SHROOM2: variants seen among roughly 807,000 people sequenced by gnomAD.
SHROOM2 encodes the protein protein Shroom2.
A neutral mutation model predicts 75.9 loss-of-function variants in SHROOM2; 33 were observed. The ratio of observed to expected loss-of-function variants is 0.43; its 90% CI spans 0.33 to 0.58. The LOEUF is 0.58. Among genes scored for constraint, SHROOM2 ranks in the 20% least tolerant of loss-of-function variants. The pLI, the probability that SHROOM2 is intolerant of heterozygous loss-of-function variation, is 0.04. For synonymous variants in SHROOM2, 655 were observed against 663.6 expected (o/e 0.99, Z 0.20); for missense variants, 1,434 against 1,461.2 (o/e 0.98, Z 0.30).
chrX:9,912,430 G>A (rs2084438228), intron 5 of SHROOM2: 2 of 111,918 alleles, frequency 1.8e-5, no homozygotes, highest in South Asian at 7.5e-4. Context: ...GCGTGAGCTT[G>A]CCCATCAACA....
At chrX:9,926,763 T>G (rs758231287) in intron 5 of SHROOM2, among the ~76,000 whole-genome samples, 1 of 111,182 alleles carries the variant, frequency 9.0e-6, no homozygotes, top group Admixed American at 9.6e-5. Flanking sequence ...GCATATTGTA[T>G]AAAATTACCT....
At chrX:9,903,445 G>C (rs1459735564) in intron 5 of SHROOM2, among the ~76,000 whole-genome samples, 1 of 112,658 alleles carries the variant, frequency 8.9e-6, no homozygotes, top group African/African-American at 3.2e-5. Flanking sequence ...CTTGTGCAGG[G>C]AGTACTTGCG....
At chrX:9,871,480 T>TCGC (rs1246285714) in intron 1 of SHROOM2, among the ~76,000 whole-genome samples, 1 of 111,836 alleles carries the variant, frequency 8.9e-6, no homozygotes, top group Non-Finnish European at 1.9e-5. Flanking sequence ...CCCCCAGGTA[T>TCGC]CGCCTGCCTT....
intron 1 of SHROOM2, among the ~76,000 whole-genome samples, chrX:9,817,835 G>A (rs568906343): frequency 8.9e-6 from 1 of 111,892 alleles, no homozygotes; most frequent in Admixed American, 9.5e-5. Flanking sequence ...ACAATATCTA[G>A]CAGCCTCCAA....
At chrX:9,878,545 C>T (rs1050747139) in intron 2 of SHROOM2, among the ~76,000 whole-genome samples, 3 of 112,107 alleles carry the variant, frequency 2.7e-5, no homozygotes, top group Admixed American at 1.9e-4. Flanking sequence ...TGCTAAGGTG[C>T]CCTGACTGCT....
intron 8 of SHROOM2, among the ~76,000 whole-genome samples, chrX:9,941,837 G>A (rs979473427): frequency 9.2e-6 from 1 of 108,580 alleles, no homozygotes. Flanking sequence ...CAGGCGTGGT[G>A]GCGGGCGCCT....
intron 6 of SHROOM2, among the ~76,000 whole-genome samples, chrX:9,934,310 G>T (rs183050433): frequency 2.7e-5 from 3 of 111,482 alleles, no homozygotes; most frequent in Non-Finnish European, 5.7e-5. Flanking sequence ...AGAGTCTCAA[G>T]TAATTTTTTT....
chrX:9,901,551 A>G (rs929422350), intron 5 of SHROOM2, among the ~76,000 whole-genome samples: 7 of 112,256 alleles, frequency 6.2e-5, no homozygotes, highest in African/African-American at 1.3e-4. Context: ...GGCATTTGGC[A>G]AAACCTGACT....
intron 1 of SHROOM2, among the ~76,000 whole-genome samples, chrX:9,838,215 C>T (rs1266944212): frequency 9.2e-6 from 1 of 109,208 alleles, no homozygotes; most frequent in African/African-American, 3.3e-5. Context: ...TGCCCGCCAC[C>T]ACGCCCGGCT....
chrX:9,795,097 T>TTTTCTTTCTTTCTTTCTTTC (rs143123845), intron 1 of SHROOM2, among the ~76,000 whole-genome samples: 1 of 99,591 alleles, frequency 1.0e-5, no homozygotes, highest in African/African-American at 3.7e-5. Flanking sequence ...TCATTTTTCT[T>TTTTCTTTCTTTCTTTCTTTC]TTTCTTTCTT....
chrX:9,939,435 T>C (rs2084749272), intron 8 of SHROOM2, 69 bp downstream of exon 8: 1 of 971,301 alleles, frequency 1.0e-6, no homozygotes, highest in African/African-American at 2.1e-5. Flanking sequence ...GATCACACCA[T>C]CCTGCCCCAG....
At chrX:9,908,605 T>G (rs770630596) in intron 5 of SHROOM2, among the ~76,000 whole-genome samples, 1 of 111,485 alleles carries the variant, frequency 9.0e-6, no homozygotes, top group Non-Finnish European at 1.9e-5. Flanking sequence ...CATTATAAAC[T>G]TTAATATTAT....
intron 1 of SHROOM2, among the ~76,000 whole-genome samples, chrX:9,864,774 G>A (rs1243398476): frequency 1.9e-5 from 2 of 107,401 alleles, no homozygotes; most frequent in Non-Finnish European, 3.9e-5. Context: ...GCAGTGAGCC[G>A]AGATCCCGCC....
chrX:9,878,033 T>A (rs777879926), intron 2 of SHROOM2, among the ~76,000 whole-genome samples: 2 of 112,441 alleles, frequency 1.8e-5, no homozygotes, highest in Non-Finnish European at 3.8e-5. Context: ...AAATGGCTGT[T>A]AAGTTCAGCT....
chrX:9,820,168 G>A (rs1473648312), intron 1 of SHROOM2, among the ~76,000 whole-genome samples: 1 of 79,733 alleles, frequency 1.3e-5, no homozygotes, highest in Non-Finnish European at 2.4e-5. Context: ...TTATTTTATT[G>A]CAGTATTTTT....
chrX:9,919,048 C>T (rs965050928), intron 5 of SHROOM2, among the ~76,000 whole-genome samples: 2 of 112,061 alleles, frequency 1.8e-5, no homozygotes, highest in African/African-American at 3.2e-5. Context: ...TCCTCCCTTC[C>T]TTTGTTTCTT....
At chrX:9,907,055 C>T (rs967961326) in intron 5 of SHROOM2, among the ~76,000 whole-genome samples, 8 of 110,644 alleles carry the variant, frequency 7.2e-5, no homozygotes, top group Non-Finnish European at 3.8e-5. Context: ...AGGGGGGAGG[C>T]GGGCAGCATC....
intron 1 of SHROOM2, among the ~76,000 whole-genome samples, chrX:9,838,453 T>C (rs1349608703): frequency 1.8e-5 from 2 of 111,074 alleles, no homozygotes; most frequent in African/African-American, 6.5e-5. Flanking sequence ...TGCCTGCTTG[T>C]GGGACTTGCA....
intron 5 of SHROOM2, among the ~76,000 whole-genome samples, chrX:9,927,485 A>G (rs1201511704): frequency 9.1e-6 from 1 of 109,826 alleles, no homozygotes; most frequent in Non-Finnish European, 1.9e-5. Context: ...TGTTAACCCT[A>G]TTCAGAAAAC....
Sources: allele counts gnomAD v4.1 joint callset (sites outside exome capture counted in the v4.1 genomes callset), GRCh38; gene constraint gnomAD v4.1.1; transcripts MANE v1.5; gene names NCBI Gene and HGNC (gene_info 2026-07-23, HGNC 2026-07-21).